Variants in SGCZ observed in about 807,000 individuals in gnomAD.
SGCZ encodes the protein sarcoglycan zeta.
In SGCZ, 40 loss-of-function variants were observed where a neutral mutation model predicts 41.3. That is an observed-to-expected ratio of 0.97 (90% confidence interval 0.75 to 1.26). SGCZ has a LOEUF of 1.26. Among genes scored for constraint, SGCZ ranks in the 50% most tolerant of loss-of-function variants. The probability of loss-of-function intolerance (pLI) is 0.00; values close to 1 mark genes in which losing one functional copy is unlikely to be tolerated. For missense variants in SGCZ, 552 were observed against 369.8 expected (o/e 1.49, Z -4.04); for synonymous variants, 206 against 137.5 (o/e 1.50, Z -3.49).
rs1243443230 is a variant in SGCZ at position 14,593,018 on chromosome 8, C to T, written c.40-38092G>A. ...CTGACTTAGTGCCTTTACATTGGTA[C>T]TGAATTATCATTGTCAAATAATATC... On this transcript the variant is annotated intron_variant, in intron 1 of 7. Transcript: ENST00000382080. 2.0e-5 allele frequency among the ~76,000 whole-genome samples: 3 copies of T among 152,140 alleles called. No individual in the cohort carries two copies. The East Asian group carries it at 5.8e-4, about 29-fold the overall frequency.
chr8:14,356,131 T>G (rs1803285871), intron 2 of SGCZ, among the ~76,000 whole-genome samples: 2 of 152,176 alleles, frequency 1.3e-5, no homozygotes, highest in African/African-American at 4.8e-5. Flanking sequence ...TGTACTGTAT[T>G]GCAAGATTTT....
At position 14,827,939 on chromosome 8, in the gene SGCZ, T is replaced by C. The variant is rs547733242; in HGVS notation, c.40-273013A>G. On this transcript the variant is annotated intron_variant, in intron 1 of 7. Coordinates refer to ENST00000382080, the MANE Select transcript of SGCZ (RefSeq NM_139167.4). Reference sequence around the variant, plus strand: ...ATCTTCAAATCATTCATGGAAAATATGTATTATGAAAGAACTAGGCAAAGT... The same window carrying C: ...ATCTTCAAATCATTCATGGAAAATACGTATTATGAAAGAACTAGGCAAAGT... Among the ~76,000 whole-genome samples the C allele has an allele frequency of 3.3e-5, 5 of 152,242 alleles. No individual in the cohort carries two copies. In the East Asian group the frequency reaches 5.8e-4, roughly 18 times the overall value.
intron 1 of SGCZ, among the ~76,000 whole-genome samples, chr8:15,188,540 A>T (rs1338103967): frequency 1.3e-5 from 2 of 152,134 alleles, no homozygotes; most frequent in Non-Finnish European, 2.9e-5. Flanking sequence ...TCACTCATTG[A>T]CATGATTCAT....
At chr8:14,802,598 A>AACACAGAGAGAGAGAG (rs1354202424) in intron 1 of SGCZ, among the ~76,000 whole-genome samples, 2 of 152,122 alleles carry the variant, frequency 1.3e-5, no homozygotes, top group Non-Finnish European at 2.9e-5. Flanking sequence ...CACACATACA[A>AACACAGAGAGAGAGAG]ACACAGAGAG....
At chr8:14,309,459 A>G (rs1394135013) in intron 3 of SGCZ, 30 of 1,606,024 alleles carry the variant, frequency 1.9e-5, no homozygotes, top group Non-Finnish European at 2.4e-5. Context: ...GACTGCAGTG[A>G]TGATGTATGT....
At chr8:14,122,218 A>G (rs894186132) in intron 5 of SGCZ, among the ~76,000 whole-genome samples, 4 of 152,174 alleles carry the variant, frequency 2.6e-5, no homozygotes, top group African/African-American at 9.7e-5. Flanking sequence ...TGGAGCTTGC[A>G]GTTAGCTGAG....
chr8:14,331,150 A>G (rs930185566), intron 2 of SGCZ, among the ~76,000 whole-genome samples: 1 of 151,924 alleles, frequency 6.6e-6, no homozygotes, highest in African/African-American at 2.4e-5. Context: ...GGTATGACAA[A>G]TATTTGTAAG....
chr8:14,218,419 A>T (rs1806075508), intron 4 of SGCZ, among the ~76,000 whole-genome samples: 1 of 152,214 alleles, frequency 6.6e-6, no homozygotes, highest in South Asian at 2.1e-4. Context: ...TGCTGAAAGA[A>T]AAAACTGACT....
chr8:14,539,703 C>T (rs533418589), intron 2 of SGCZ, among the ~76,000 whole-genome samples: 1 of 151,622 alleles, frequency 6.6e-6, no homozygotes, highest in Non-Finnish European at 1.5e-5. Flanking sequence ...CTTCCATCCT[C>T]CACGCTCTGA....
At chr8:14,619,324 G>T (rs955616246) in intron 1 of SGCZ, among the ~76,000 whole-genome samples, 1 of 152,082 alleles carries the variant, frequency 6.6e-6, no homozygotes, top group African/African-American at 2.4e-5. Flanking sequence ...CAAACCCACA[G>T]CCAATATCAT....
At chr8:14,637,401 G>A (rs752000083) in intron 1 of SGCZ, among the ~76,000 whole-genome samples, 2 of 151,458 alleles carry the variant, frequency 1.3e-5, no homozygotes, top group Non-Finnish European at 2.9e-5. Flanking sequence ...GCGGTTTGGA[G>A]CATGGATCCC....
rs186557293 is a variant in SGCZ, at chr8:14,432,402, A to G, written c.235-108198T>C. On this transcript the variant is annotated intron_variant, in intron 2 of 7. Transcript: ENST00000382080. ...AGTGACCTCGATGAGACTGGAGACT[A>G]TAACTCTAAGTGAAGTAACTCAGGA... is the stretch of plus-strand genomic sequence containing the variant. Among the ~76,000 whole-genome samples, 89 of 152,352 alleles carry G rather than the reference A, an allele frequency of 5.8e-4. 1 individual carries two copies. Among genetic ancestry groups the G allele is most frequent in the African/African-American group, 2.0e-3 (82 of 41,586 alleles).
intron 2 of SGCZ, among the ~76,000 whole-genome samples, chr8:14,497,678 C>G (rs1243583575): frequency 6.6e-6 from 1 of 151,944 alleles, no homozygotes; most frequent in Non-Finnish European, 1.5e-5. Context: ...CAATGTGGCC[C>G]AGGGAAGCCA....
At chr8:15,003,137 A>G (rs1391666326) in intron 1 of SGCZ, among the ~76,000 whole-genome samples, 1 of 152,108 alleles carries the variant, frequency 6.6e-6, no homozygotes, top group African/African-American at 2.4e-5. Flanking sequence ...ATATTAAAAG[A>G]GGTATATTGT....
At chr8:14,593,497 AAC>A (rs1805306654) in intron 1 of SGCZ, among the ~76,000 whole-genome samples, 1 of 152,168 alleles carries the variant, frequency 6.6e-6, no homozygotes, top group Non-Finnish European at 1.5e-5. Context: ...ATGGGAAACA[AAC>A]ACACCTGCTT....
At chr8:14,434,175 C>T (rs1800022684) in intron 2 of SGCZ, among the ~76,000 whole-genome samples, 1 of 152,186 alleles carries the variant, frequency 6.6e-6, no homozygotes, top group African/African-American at 2.4e-5. Context: ...CAGTTTCATT[C>T]TCCTACATGT....
intron 1 of SGCZ, among the ~76,000 whole-genome samples, chr8:14,779,346 T>C (rs968172535): frequency 2.0e-5 from 3 of 152,208 alleles, no homozygotes; most frequent in African/African-American, 7.2e-5. Context: ...GAAGCCTGCA[T>C]GCAGAGAAGT....
At chr8:14,418,551 T>A (rs1470089479) in intron 2 of SGCZ, among the ~76,000 whole-genome samples, 2 of 151,984 alleles carry the variant, frequency 1.3e-5, no homozygotes, top group African/African-American at 4.8e-5. Flanking sequence ...TTTGTCTCAT[T>A]GTTTTACCTA....
chr8:14,635,147 A>C (rs2117409260), intron 1 of SGCZ, among the ~76,000 whole-genome samples: 1 of 151,980 alleles, frequency 6.6e-6, no homozygotes, highest in African/African-American at 2.4e-5. Context: ...CAAGCTATTC[A>C]TTCGCAGCTG....
Sources: gnomAD v4.1 joint callset for allele counts (sites outside exome capture counted in the v4.1 genomes callset) on GRCh38, gnomAD v4.1.1 for gene constraint, MANE v1.5 for transcripts, NCBI Gene and HGNC (gene_info 2026-07-23, HGNC 2026-07-21) for gene names.